SPAG9: variants seen among roughly 807,000 people sequenced by gnomAD.
SPAG9 encodes C-Jun-amino-terminal kinase-interacting protein 4.
Under a neutral mutation model 166.5 loss-of-function variants are expected in SPAG9, and 35 were observed. That is an observed-to-expected ratio of 0.21 (90% CI 0.16 to 0.28). The LOEUF is 0.28. Ranked by LOEUF, SPAG9 falls within the 10% of genes least tolerant of loss-of-function variation. SPAG9 has a pLI of 1.00. For missense variants in SPAG9, 1,235 were observed against 1,603.3 expected (o/e 0.77, Z 3.92); for synonymous variants, 534 against 565.5 (o/e 0.94, Z 0.79).
chr17:51,098,833 G>A (rs1157183503), intron 1 of SPAG9, among the ~76,000 whole-genome samples: 1 of 151,686 alleles, frequency 6.6e-6, no homozygotes, highest in Non-Finnish European at 1.5e-5. Context: ...CGGGCACAGT[G>A]GCTCACGCCA....
intron 21 of SPAG9, among the ~76,000 whole-genome samples, chr17:50,989,269 G>C (rs1975335301): frequency 6.6e-6 from 1 of 152,140 alleles, no homozygotes; most frequent in South Asian, 2.1e-4. Flanking sequence ...ACAGTAACAT[G>C]CTGTACAGGT....
chr17:51,024,023 C>T (rs1490612760), intron 6 of SPAG9, among the ~76,000 whole-genome samples: 1 of 152,160 alleles, frequency 6.6e-6, no homozygotes, highest in African/African-American at 2.4e-5. Context: ...CAGCCAGGCT[C>T]GGTGGCTCAC....
intron 24 of SPAG9, 37 bp downstream of exon 24, chr17:50,984,886 A>C (rs760028557): frequency 4.3e-5 from 66 of 1,549,706 alleles, no homozygotes; most frequent in Non-Finnish European, 5.6e-5. Context: ...GCAAAGCAAC[A>C]AATTAGTGTC....
At chr17:51,114,053 C>T (rs1340781856) in intron 1 of SPAG9, among the ~76,000 whole-genome samples, 5 of 151,912 alleles carry the variant, frequency 3.3e-5, no homozygotes, top group East Asian at 1.9e-4. Context: ...AGGCCAGGTG[C>T]GGTGGCTCAC....
chr17:51,048,154 T>C (rs990218887), intron 3 of SPAG9, among the ~76,000 whole-genome samples: 3 of 152,052 alleles, frequency 2.0e-5, no homozygotes, highest in Non-Finnish European at 4.4e-5. Context: ...AGGAATCATA[T>C]GACAGACAAG....
intron 4 of SPAG9, chr17:51,046,745 A>G: frequency 6.5e-7 from 1 of 1,535,610 alleles, no homozygotes; most frequent in Non-Finnish European, 8.7e-7. Context: ...AGGATCTGTC[A>G]TTCAGCTTGC....
intron 13 of SPAG9, among the ~76,000 whole-genome samples, chr17:51,000,952 T>C (rs1280078464): frequency 1.3e-5 from 2 of 152,140 alleles, no homozygotes; most frequent in African/African-American, 2.4e-5. Context: ...GCAATTACTA[T>C]CACAGCAAAT....
chr17:51,103,897 T>C (rs2048871604), intron 1 of SPAG9, among the ~76,000 whole-genome samples: 1 of 152,324 alleles, frequency 6.6e-6, no homozygotes, highest in Admixed American at 6.5e-5. Context: ...TGCTAGCTAC[T>C]GGGATATAGT....
chr17:51,095,188 C>T (rs569866277), intron 1 of SPAG9, among the ~76,000 whole-genome samples: 2 of 150,034 alleles, frequency 1.3e-5, no homozygotes, highest in South Asian at 2.1e-4. Flanking sequence ...TCCCAGCTAC[C>T]GGGAGGCTGA....
intron 7 of SPAG9, among the ~76,000 whole-genome samples, 172 bp from the exon 8 acceptor site, chr17:51,020,430 A>G (rs1426859883): frequency 6.6e-6 from 1 of 152,228 alleles, no homozygotes; most frequent in Non-Finnish European, 1.5e-5. Context: ...TTCAGTTAAC[A>G]GATTGTATCA....
chr17:51,003,967 T>C (rs1037716315), intron 12 of SPAG9, among the ~76,000 whole-genome samples: 4 of 152,162 alleles, frequency 2.6e-5, no homozygotes, highest in Non-Finnish European at 4.4e-5. Flanking sequence ...AATAAATACA[T>C]AAATTGTGAC....
chr17:51,115,005 G>A lies in SPAG9; in HGVS notation c.303+5349C>T, dbSNP rs76305454. On this transcript the variant is annotated intron_variant, in intron 1 of 29. Coordinates refer to ENST00000262013, the MANE Select transcript of SPAG9 (RefSeq NM_001130528.3). ...GAACACTAAAACAAGAACAATGAATGTCAATACCTATTTTCCTGCCCATGA... is the reference window on the plus strand; with the variant it reads ...GAACACTAAAACAAGAACAATGAATATCAATACCTATTTTCCTGCCCATGA... Among the ~76,000 whole-genome samples, 1,304 of 152,086 alleles carry A rather than the reference G, an allele frequency of 8.6e-3. 20 individuals are homozygous for A. The highest frequency in any genetic ancestry group is 0.03 in the African/African-American group (1,253 of 41,486).
chr17:51,037,693 T>TATATATATA (rs1568028403), intron 5 of SPAG9, among the ~76,000 whole-genome samples: 9 of 89,902 alleles, frequency 1.0e-4, no homozygotes, highest in Admixed American at 7.4e-4. Flanking sequence ...ATAGTGTGTG[T>TATATATATA]GTGTGTGTGT....
At chr17:51,075,195 C>CAAAAAAAAAAAAAAAAAAAAA (rs57533555) in intron 2 of SPAG9, among the ~76,000 whole-genome samples, 1 of 28,950 alleles carries the variant, frequency 3.5e-5, no homozygotes, top group Non-Finnish European at 6.4e-5. Context: ...GACTCCATCT[C>CAAAAAAAAAAAAAAAAAAAAA]AAAAAAAAAA....
intron 1 of SPAG9, among the ~76,000 whole-genome samples, chr17:51,080,846 C>A (rs895282864): frequency 7.3e-6 from 1 of 136,548 alleles, no homozygotes. Flanking sequence ...GAGATCGCAC[C>A]ACTGCACTCC....
intron 2 of SPAG9, among the ~76,000 whole-genome samples, chr17:51,060,364 G>A (rs764530113): frequency 2.0e-5 from 3 of 151,938 alleles, no homozygotes; most frequent in Admixed American, 6.6e-5. Flanking sequence ...TTAGCCAGGC[G>A]TCATGGCAAA....
intron 1 of SPAG9, among the ~76,000 whole-genome samples, chr17:51,109,913 T>C (rs2049059270): frequency 6.6e-6 from 1 of 151,906 alleles, no homozygotes; most frequent in South Asian, 2.1e-4. Flanking sequence ...GGTTTTGCTA[T>C]GTTACCCAGG....
intron 2 of SPAG9, among the ~76,000 whole-genome samples, chr17:51,078,613 C>CT (rs1046509533): frequency 8.2e-4 from 119 of 145,786 alleles, no homozygotes; most frequent in Non-Finnish European, 9.3e-4. Flanking sequence ...AGTTTCTCAC[C>CT]TTTTTTTTTT....
intron 1 of SPAG9, among the ~76,000 whole-genome samples, chr17:51,116,129 T>C (rs1279883078): frequency 6.6e-6 from 1 of 151,912 alleles, no homozygotes; most frequent in Non-Finnish European, 1.5e-5. Flanking sequence ...CACTGCAACC[T>C]CCATCTCCCG....
Sources: gnomAD v4.1 joint callset for allele counts (sites outside exome capture counted in the v4.1 genomes callset) on GRCh38, gnomAD v4.1.1 for gene constraint, MANE v1.5 for transcripts, NCBI Gene and HGNC (gene_info 2026-07-23, HGNC 2026-07-21) for gene names.